The following HPSE2 variants were observed in gnomAD, a reference collection of about 807,000 sequenced individuals.
HPSE2 encodes the protein heparanase 2 (inactive).
Under a neutral mutation model 60.5 loss-of-function variants are expected in HPSE2, and 38 were observed. The ratio of observed to expected loss-of-function variants is 0.63; its 90% CI spans 0.48 to 0.82. The LOEUF is 0.82. Among genes scored for constraint, HPSE2 ranks in the 40% least tolerant of loss-of-function variants. The pLI, the probability that HPSE2 is intolerant of heterozygous loss-of-function variation, is 0.00. For synonymous variants in HPSE2, 295 were observed against 293.2 expected, an observed-to-expected ratio of 1.01 and a Z score of -0.06; for missense variants, 713 against 740.4, an observed-to-expected ratio of 0.96 and a Z score of 0.43.
At chr10:98,873,745 G>A (rs1952795997) in intron 3 of HPSE2, among the ~76,000 whole-genome samples, 1 of 151,948 alleles carries the variant, frequency 6.6e-6, no homozygotes, top group South Asian at 2.1e-4. Flanking sequence ...TGGGATTGCT[G>A]GGTCAAATGG....
intron 3 of HPSE2, among the ~76,000 whole-genome samples, chr10:99,080,210 T>C (rs1219765992): frequency 1.3e-5 from 2 of 152,082 alleles, no homozygotes; most frequent in Non-Finnish European, 2.9e-5. Flanking sequence ...ATGTCTTATT[T>C]AAAAAAATTC....
At chr10:98,602,859 A>G (rs906137949) in intron 9 of HPSE2, among the ~76,000 whole-genome samples, 4 of 152,224 alleles carry the variant, frequency 2.6e-5, no homozygotes, top group Non-Finnish European at 5.9e-5. Context: ...AAATTCTTAG[A>G]AGAAAAAATA....
intron 3 of HPSE2, among the ~76,000 whole-genome samples, chr10:98,820,342 T>A (rs1014573547): frequency 6.6e-6 from 1 of 152,138 alleles, no homozygotes; most frequent in Admixed American, 6.6e-5. Flanking sequence ...CCCAGGACCA[T>A]GTCAAACATT....
intron 3 of HPSE2, among the ~76,000 whole-genome samples, chr10:99,106,463 A>G (rs1844251216): frequency 6.6e-6 from 1 of 151,972 alleles, no homozygotes; most frequent in Non-Finnish European, 1.5e-5. Flanking sequence ...TATTAATATG[A>G]TATATACATT....
chr10:99,125,491 T>C (rs1845126918), intron 3 of HPSE2, among the ~76,000 whole-genome samples: 1 of 152,202 alleles, frequency 6.6e-6, no homozygotes, highest in African/African-American at 2.4e-5. Flanking sequence ...CCCACTGGCA[T>C]GGACAGAACA....
intron 3 of HPSE2, among the ~76,000 whole-genome samples, chr10:98,767,965 T>A (rs1258935728): frequency 1.3e-5 from 2 of 149,872 alleles, no homozygotes; most frequent in Non-Finnish European, 3.0e-5. Context: ...AACTATATAA[T>A]AGTGATACAT....
Position 98,999,156 on chromosome 10 carries a change from CGTGTGT to C in HPSE2, c.610+145076_610+145081del, listed in dbSNP as rs55879808. 1.3e-3 allele frequency among the ~76,000 whole-genome samples: 173 copies of C among 137,676 alleles called. 1 individual carries two copies. Among genetic ancestry groups the C allele is most frequent in the South Asian group, 5.9e-3 (24 of 4,098 alleles). The allele number at this position is 137,676 out of a possible 152,430, so 90.3% of individuals were successfully genotyped here. A position where few individuals can be genotyped will look rare whatever the true frequency, so the allele number is the denominator to read the frequency against. The stretch of plus-strand genomic sequence containing the variant: ...GCACACTGCTAAGTGGTATAGACTA[CGTGTGT>C]GTGTGTGTGTGTGTGTGTGTGTGTG... On this transcript the variant is annotated intron_variant, in intron 3 of 11. Transcript: ENST00000370552.
upstream of HPSE2, among the ~76,000 whole-genome samples, chr10:99,236,297 A>T (rs181572949): frequency 2.0e-5 from 3 of 152,040 alleles, 1 homozygote; most frequent in Admixed American, 2.0e-4. Flanking sequence ...GTACAGAGCA[A>T]AGGGTCTCGT....
At chr10:98,614,326 T>C (rs1233511934) in intron 9 of HPSE2, among the ~76,000 whole-genome samples, 15 of 148,596 alleles carry the variant, frequency 1.0e-4, no homozygotes, top group Non-Finnish European at 1.9e-4. Flanking sequence ...GGAGTCTCGC[T>C]CAGTCGCCCA....
At chr10:99,291,367 C>T in the HPSE2 span, among the ~76,000 whole-genome samples, 3 of 152,104 alleles carry the variant, frequency 2.0e-5, no homozygotes, top group East Asian at 3.9e-4. Flanking sequence ...GGGCAGATCA[C>T]GAGGTTAAGA....
chr10:98,620,206 T>C (rs1021330505), intron 8 of HPSE2, among the ~76,000 whole-genome samples: 1 of 152,194 alleles, frequency 6.6e-6, no homozygotes, highest in Non-Finnish European at 1.5e-5. Flanking sequence ...TTATCTCCTA[T>C]CCCAGTTCCA....
chr10:99,294,750 A>G, the HPSE2 span, among the ~76,000 whole-genome samples: 2 of 152,030 alleles, frequency 1.3e-5, no homozygotes, highest in African/African-American at 4.8e-5. Context: ...CCTGGCCAAC[A>G]TAGTGCAACC....
chr10:99,115,223 G>A (rs1488455516), intron 3 of HPSE2, among the ~76,000 whole-genome samples: 4 of 151,112 alleles, frequency 2.6e-5, no homozygotes, highest in African/African-American at 7.3e-5. Context: ...CGCCATCTCG[G>A]CTCACTGCAA....
chr10:98,909,503 G>A lies in HPSE2; in HGVS notation c.611-165447C>T, dbSNP rs559958673. Among the ~76,000 whole-genome samples the A allele has an allele frequency of 5.9e-5, 9 of 151,778 alleles. No individual in the cohort carries two copies. In the South Asian group the frequency reaches 1.3e-3, roughly 21 times the overall value. On this transcript the variant is annotated intron_variant, in intron 3 of 11. Transcript: ENST00000370552. ...AAATTAGCTGGGCGTGGTGGTGGGC[G>A]CCTGTAATCCCAGCTACTCGGGAGG...
At chr10:98,708,435 G>A (rs1037452519) in intron 5 of HPSE2, among the ~76,000 whole-genome samples, 2 of 145,602 alleles carry the variant, frequency 1.4e-5, no homozygotes, top group African/African-American at 2.6e-5. Flanking sequence ...CAGCCTGGGC[G>A]ACAGAGTGAG....
chr10:98,726,787 T>C (rs1949095879), intron 4 of HPSE2, among the ~76,000 whole-genome samples: 1 of 152,014 alleles, frequency 6.6e-6, no homozygotes. Flanking sequence ...AGGATAGAAG[T>C]GTGGATAGTA....
intron 9 of HPSE2, among the ~76,000 whole-genome samples, chr10:98,573,671 T>G (rs1330909855): frequency 6.6e-6 from 1 of 152,176 alleles, no homozygotes; most frequent in African/African-American, 2.4e-5. Flanking sequence ...AAAAAGGCCA[T>G]GGGTCACACA....
chr10:99,053,371 A>G (rs1958034552), intron 3 of HPSE2, among the ~76,000 whole-genome samples: 1 of 152,136 alleles, frequency 6.6e-6, no homozygotes. Context: ...AAAACAGTAC[A>G]AAAAGTTATA....
At chr10:98,615,198 A>G (rs1020546104) in intron 8 of HPSE2, among the ~76,000 whole-genome samples, 180 bp from the exon 9 acceptor site, 1 of 152,236 alleles carries the variant, frequency 6.6e-6, no homozygotes, top group African/African-American at 2.4e-5. Flanking sequence ...TTTAGAGATT[A>G]TCAAATCCAA....
Sources: allele counts gnomAD v4.1 joint callset (sites outside exome capture counted in the v4.1 genomes callset), GRCh38; gene constraint gnomAD v4.1.1; transcripts MANE v1.5; gene names NCBI Gene and HGNC (gene_info 2026-07-23, HGNC 2026-07-21).